ATP11A: variants seen among roughly 807,000 people sequenced by gnomAD.
The protein encoded by ATP11A is ATPase phospholipid transporting 11A.
Under a neutral mutation model 154.4 loss-of-function variants are expected in ATP11A, and 81 were observed. The observed-to-expected ratio is 0.52, with a 90% confidence interval of 0.44 to 0.63. The LOEUF (loss-of-function observed/expected upper bound fraction) is 0.63. Ranked by LOEUF, ATP11A falls within the 30% of genes least tolerant of loss-of-function variation. The pLI is 0.00. For missense variants in ATP11A, 1,316 were observed against 1,474.3 expected, an observed-to-expected ratio of 0.89 and a Z score of 1.76; for synonymous variants, 623 against 585.9, an observed-to-expected ratio of 1.06 and a Z score of -0.91.
chr13:112,758,838 G>A (rs1045794062), intron 1 of ATP11A, among the ~76,000 whole-genome samples: 9 of 152,158 alleles, frequency 5.9e-5, no homozygotes, highest in African/African-American at 1.9e-4. Flanking sequence ...ATCTCAGAAC[G>A]GTTCATTACC....
chr13:112,693,854 A>G (rs574312943), intron 1 of ATP11A, among the ~76,000 whole-genome samples: 4 of 152,310 alleles, frequency 2.6e-5, no homozygotes, highest in African/African-American at 9.6e-5. Context: ...CAGAAGGCTG[A>G]GGCAGGAGAA....
chr13:112,698,812 C>T (rs1009385004), intron 1 of ATP11A, among the ~76,000 whole-genome samples: 1 of 152,174 alleles, frequency 6.6e-6, no homozygotes, highest in Non-Finnish European at 1.5e-5. Flanking sequence ...ACCTCTACCT[C>T]TTGGGTTCAA....
intron 2 of ATP11A, among the ~76,000 whole-genome samples, chr13:112,791,871 G>A (rs895688471): frequency 6.6e-6 from 1 of 152,144 alleles, no homozygotes; most frequent in Non-Finnish European, 1.5e-5. Flanking sequence ...CAGGACCTTT[G>A]AGAAGCCGTA....
chr13:112,832,530 C>T (rs115569998), intron 13 of ATP11A, among the ~76,000 whole-genome samples: 1,897 of 152,326 alleles, frequency 0.012, 29 homozygotes, highest in African/African-American at 0.044. Flanking sequence ...TTCGTGGCAC[C>T]GTGTGACTCA....
At chr13:112,742,072 C>T (rs893128110) in intron 1 of ATP11A, among the ~76,000 whole-genome samples, 3 of 152,198 alleles carry the variant, frequency 2.0e-5, no homozygotes, top group Admixed American at 6.5e-5. Flanking sequence ...GTGCGCTTTT[C>T]TCACGTGTCC....
intron 1 of ATP11A, among the ~76,000 whole-genome samples, chr13:112,772,144 CA>C: frequency 6.6e-6 from 1 of 152,186 alleles, no homozygotes; most frequent in East Asian, 1.9e-4. Context: ...TCTTTGTTGG[CA>C]AAGTGCCCTA....
rs370397111 is a variant in ATP11A, at chr13:112,718,903, C to T, written c.39+28448C>T. ...CCATGTTGGCCAGGCTGGTCTCGAA[C>T]GTCTGACCTCCGGCTATCCACCCGC... On this transcript the variant is annotated intron_variant, in intron 1 of 29. Coordinates refer to ENST00000375645, the MANE Select transcript of ATP11A (RefSeq NM_015205.3). Among the ~76,000 whole-genome samples the T allele has an allele frequency of 9.9e-5, 15 of 152,230 alleles. No individual in the cohort carries two copies. The East Asian group carries it at 1.5e-3, about 16-fold the overall frequency.
Position 112,823,423 on chromosome 13 carries a change from T to C in ATP11A, c.790+14T>C. The stretch of plus-strand genomic sequence containing the variant: ...AGAAAATCTTTGGTAAATATTTAAT[T>C]AATTATTAACCATTGCCCCTAACAT... On this transcript the variant is annotated intron_variant, in intron 9 of 29. Coordinates refer to ENST00000375645, the MANE Select transcript of ATP11A (RefSeq NM_015205.3). 6.3e-7 allele frequency: 1 copy of C among 1,595,910 alleles called. No individual in the cohort carries two copies. The highest frequency in any genetic ancestry group is 1.7e-4 in the Middle Eastern group (1 of 6,018).
At chr13:112,792,300 T>C (rs2077882280) in intron 2 of ATP11A, among the ~76,000 whole-genome samples, 1 of 152,172 alleles carries the variant, frequency 6.6e-6, no homozygotes, top group African/African-American at 2.4e-5. Flanking sequence ...CTCATAATTG[T>C]TTTCATTTAA....
chr13:112,786,482 G>C (rs1337216055), intron 2 of ATP11A, among the ~76,000 whole-genome samples: 10 of 62,434 alleles, frequency 1.6e-4, no homozygotes, highest in African/African-American at 9.0e-5. Flanking sequence ...GCTAAACCCA[G>C]GCACACGCGT....
chr13:112,720,998 T>C (rs956729240), intron 1 of ATP11A, among the ~76,000 whole-genome samples: 4 of 152,122 alleles, frequency 2.6e-5, no homozygotes, highest in African/African-American at 4.8e-5. Flanking sequence ...AGCTGGAATT[T>C]GGCTCTTGAA....
chr13:112,835,875 G>A (rs1046921333), intron 15 of ATP11A, among the ~76,000 whole-genome samples: 12 of 152,262 alleles, frequency 7.9e-5, no homozygotes, highest in Admixed American at 5.2e-4. Context: ...GAGTCGGTGC[G>A]TAGGGAACGC....
Position 112,810,619 on chromosome 13 carries a change from G to C in ATP11A, c.334G>C (p.Gly112Arg). The change falls in exon 5 of 30, where the codon GGT (glycine) becomes CGT (arginine). Residue 112 changes from glycine to arginine, a missense_variant and splice_region_variant. By Grantham distance (125) the Gly-to-Arg change is moderately radical. Transcript: ENST00000375645. Reference protein sequence around the residue: ...FVITVTAIKQGYEDWLRHKAD... With the variant: ...FVITVTAIKQRYEDWLRHKAD... ...TCCCTTCTTTCCTTCCTTTTTTTAG[G>C]GTTATGAAGACTGGCTTCGACATAA... The C allele has an allele frequency of 1.2e-6, 2 of 1,612,256 alleles. No homozygotes were observed. Among genetic ancestry groups the C allele is most frequent in the Non-Finnish European group, 1.7e-6 (2 of 1,179,098 alleles).
chr13:112,830,726 C>T (rs1214836856), intron 12 of ATP11A, among the ~76,000 whole-genome samples: 1 of 152,212 alleles, frequency 6.6e-6, no homozygotes, highest in African/African-American at 2.4e-5. Flanking sequence ...CGCCCAAGCT[C>T]AGTCTCAAGA....
chr13:112,766,000 T>G (rs917211078), intron 1 of ATP11A, among the ~76,000 whole-genome samples: 3 of 152,164 alleles, frequency 2.0e-5, no homozygotes, highest in Non-Finnish European at 4.4e-5. Context: ...TTCACGAGTG[T>G]GGATTCTTGG....
At chr13:112,815,944 A>T in intron 5 of ATP11A, 139 bp from the exon 6 acceptor site, 1 of 1,197,682 alleles carries the variant, frequency 8.3e-7, no homozygotes, top group Non-Finnish European at 1.2e-6. Flanking sequence ...GTCTGGCAAG[A>T]GTCTTTTCCT....
chr13:112,867,255 G>A (rs915155446), intron 25 of ATP11A, among the ~76,000 whole-genome samples: 3 of 152,224 alleles, frequency 2.0e-5, no homozygotes, highest in South Asian at 2.1e-4. Flanking sequence ...AGAGAAGTTC[G>A]GACAGACTAG....
chr13:112,836,217 A>G lies in ATP11A; in HGVS notation c.1671A>G (p.Arg557=). ...LLEILSFDSV[R]RRMSVIVKSA... ...AAATTTTGAGTTTTGACTCAGTCAG[A>G]AGGAGAATGAGTGTAATTGTAAAAT... Residue 557 remains arginine, a synonymous_variant, in exon 16 of 30, where the codon AGA becomes AGG. Coordinates refer to ENST00000375645, the MANE Select transcript of ATP11A (RefSeq NM_015205.3). 3 of 1,612,534 alleles carry G rather than the reference A, an allele frequency of 1.9e-6. No homozygotes were observed. Among genetic ancestry groups the G allele is most frequent in the Non-Finnish European group, 1.7e-6 (2 of 1,179,062 alleles).
At position 112,873,692 on chromosome 13, in the gene ATP11A, G is replaced by A. The variant is rs372198725; in HGVS notation, c.3161+16G>A. 3.1e-5 allele frequency: 49 copies of A among 1,578,884 alleles called. No individual in the cohort carries two copies. Among genetic ancestry groups the A allele is most frequent in the Admixed American group, 5.0e-5 (3 of 59,914 alleles). On this transcript the variant is annotated intron_variant, in intron 27 of 29. Transcript: ENST00000375645. Reference sequence around the variant, plus strand: ...GAGTGATCTGGTAAATATCTGATAAGTAGCTGATAATCTGATAAATATCAT... The same window carrying A: ...GAGTGATCTGGTAAATATCTGATAAATAGCTGATAATCTGATAAATATCAT...
Sources: allele counts gnomAD v4.1 joint callset (sites outside exome capture counted in the v4.1 genomes callset), GRCh38; gene constraint gnomAD v4.1.1; transcripts MANE v1.5; gene names NCBI Gene and HGNC (gene_info 2026-07-23, HGNC 2026-07-21).